Variants in LRRC4C observed in about 807,000 individuals in gnomAD.
LRRC4C encodes leucine rich repeat containing 4C.
In LRRC4C, 5 loss-of-function variants were observed where a neutral mutation model predicts 33.6. That is an observed-to-expected ratio of 0.15 (90% CI 0.08 to 0.31). The LOEUF (loss-of-function observed/expected upper bound fraction) is 0.31, where lower values mean the gene tolerates loss of function less well. Among genes scored for constraint, LRRC4C ranks in the 10% least tolerant of loss-of-function variants. The probability of loss-of-function intolerance (pLI) is 1.00; values close to 1 mark genes in which losing one functional copy is unlikely to be tolerated. For synonymous variants in LRRC4C, 329 were observed against 302.0 expected, an observed-to-expected ratio of 1.09 and a Z score of -0.93; for missense variants, 560 against 796.7, an observed-to-expected ratio of 0.70 and a Z score of 3.58.
intron 1 of LRRC4C, among the ~76,000 whole-genome samples, chr11:41,380,038 A>G (rs1277378714): frequency 6.6e-6 from 1 of 152,104 alleles, no homozygotes; most frequent in Non-Finnish European, 1.5e-5. Context: ...AGAAGATAAG[A>G]TAAGTCCACT....
intron 4 of LRRC4C, among the ~76,000 whole-genome samples, chr11:40,305,289 T>C (rs921745536): frequency 6.6e-6 from 1 of 152,210 alleles, no homozygotes; most frequent in Non-Finnish European, 1.5e-5. Context: ...CTGATGTCTG[T>C]TTTTATGAAT....
At position 40,657,863 on chromosome 11, in the gene LRRC4C, G is replaced by A. The variant is rs557749255; in HGVS notation, c.-406-9585C>T. 4.9e-4 allele frequency among the ~76,000 whole-genome samples: 75 copies of A among 152,224 alleles called. 1 individual carries two copies. The South Asian group carries it at 0.015, about 31-fold the overall frequency. On this transcript the variant is annotated intron_variant, in intron 2 of 6. Coordinates refer to ENST00000528697, the MANE Select transcript of LRRC4C (RefSeq NM_001258419.2). Reference sequence around the variant, plus strand: ...GCCTCAAATCTTTGGGGCTCACAAGGGGAAATAGGGAGCCTTCCACTTAGC... The same window carrying A: ...GCCTCAAATCTTTGGGGCTCACAAGAGGAAATAGGGAGCCTTCCACTTAGC...
chr11:40,804,901 T>C (rs1319000126), intron 2 of LRRC4C, among the ~76,000 whole-genome samples: 1 of 152,196 alleles, frequency 6.6e-6, no homozygotes, highest in East Asian at 1.9e-4. Flanking sequence ...AAAAATTAAC[T>C]CATTGGATGG....
intron 3 of LRRC4C, among the ~76,000 whole-genome samples, chr11:40,501,284 G>A (rs1371578007): frequency 6.6e-6 from 1 of 152,148 alleles, no homozygotes; most frequent in Non-Finnish European, 1.5e-5. Context: ...TGTCGGTGGA[G>A]CTACCATTCT....
intron 2 of LRRC4C, among the ~76,000 whole-genome samples, chr11:40,732,482 T>A (rs1464357312): frequency 6.6e-6 from 1 of 152,164 alleles, no homozygotes. Flanking sequence ...AAGTGTAAAT[T>A]CAAGCAGTTG....
chr11:41,128,699 C>T (rs996880538), intron 1 of LRRC4C, among the ~76,000 whole-genome samples: 2 of 151,974 alleles, frequency 1.3e-5, no homozygotes, highest in Non-Finnish European at 2.9e-5. Flanking sequence ...CTGAATTATT[C>T]TATAATTGTC....
At chr11:40,868,940 C>A (rs1266750673) in intron 2 of LRRC4C, among the ~76,000 whole-genome samples, 1 of 152,112 alleles carries the variant, frequency 6.6e-6, no homozygotes, top group Admixed American at 6.6e-5. Flanking sequence ...AGAGACACGA[C>A]ATTTATTTTG....
At chr11:40,628,580 T>C (rs959227165) in intron 3 of LRRC4C, among the ~76,000 whole-genome samples, 3 of 152,188 alleles carry the variant, frequency 2.0e-5, no homozygotes, top group African/African-American at 7.2e-5. Context: ...TTTTCTAATA[T>C]GCAGTACTCT....
chr11:40,238,587 C>A (rs906394831), intron 5 of LRRC4C, among the ~76,000 whole-genome samples: 1 of 152,106 alleles, frequency 6.6e-6, no homozygotes, highest in Non-Finnish European at 1.5e-5. Context: ...TTATGACCAG[C>A]CAATACTCCA....
At position 40,393,791 on chromosome 11, in the gene LRRC4C, T is replaced by C. The variant is rs551376625; in HGVS notation, c.-269-74070A>G. Among the ~76,000 whole-genome samples, 6 of 152,258 alleles carry C rather than the reference T, an allele frequency of 3.9e-5. No individual in the cohort carries two copies. In the South Asian group the frequency reaches 1.2e-3, roughly 32 times the overall value. ...AATTACATGACATCAGGGCTATGCCTTTTGTCCCCTAAAACAAAGTTTCCA... is the reference window on the plus strand; with the variant it reads ...AATTACATGACATCAGGGCTATGCCCTTTGTCCCCTAAAACAAAGTTTCCA... On this transcript the variant is annotated intron_variant, in intron 3 of 6. Transcript: ENST00000528697.
chr11:41,200,383 C>T (rs1032966544), intron 1 of LRRC4C, among the ~76,000 whole-genome samples: 1 of 152,158 alleles, frequency 6.6e-6, no homozygotes, highest in Non-Finnish European at 1.5e-5. Flanking sequence ...CAAATCCTAG[C>T]AACTTCTGTC....
chr11:40,357,131 A>T (rs901377733), intron 3 of LRRC4C, among the ~76,000 whole-genome samples: 1 of 152,168 alleles, frequency 6.6e-6, no homozygotes, highest in Non-Finnish European at 1.5e-5. Context: ...TTTTAGGTTA[A>T]TACTGACATT....
intron 2 of LRRC4C, among the ~76,000 whole-genome samples, chr11:40,795,020 GCCAAATC>G (rs1297776989): frequency 3.0e-4 from 46 of 152,206 alleles, no homozygotes; most frequent in African/African-American, 1.0e-3. Flanking sequence ...ACTTCTCTAA[GCCAAATC>G]TTCCCATCAC....
chr11:41,001,096 C>T (rs1854343233), intron 1 of LRRC4C, among the ~76,000 whole-genome samples: 1 of 151,866 alleles, frequency 6.6e-6, no homozygotes, highest in South Asian at 2.1e-4. Context: ...ATACCTGGTA[C>T]AAAGGAGGTG....
intron 2 of LRRC4C, among the ~76,000 whole-genome samples, chr11:40,888,176 A>AC: frequency 6.6e-6 from 1 of 151,874 alleles, no homozygotes; most frequent in African/African-American, 2.4e-5. Flanking sequence ...TAAGTACATG[A>AC]GTTCTTGTTC....
intron 4 of LRRC4C, among the ~76,000 whole-genome samples, chr11:40,291,051 T>G (rs1293438129): frequency 6.6e-6 from 1 of 152,118 alleles, no homozygotes; most frequent in Admixed American, 6.5e-5. Context: ...AGTTATAGCT[T>G]CTCTAGGCCT....
intron 5 of LRRC4C, among the ~76,000 whole-genome samples, chr11:40,175,949 T>A (rs1860445562): frequency 6.6e-6 from 1 of 152,160 alleles, no homozygotes; most frequent in Non-Finnish European, 1.5e-5. Context: ...TCTGGAGCTA[T>A]ATAGAGGCTG....
intron 3 of LRRC4C, among the ~76,000 whole-genome samples, chr11:40,524,037 C>G (rs1439534261): frequency 6.6e-6 from 1 of 152,148 alleles, no homozygotes; most frequent in Non-Finnish European, 1.5e-5. Flanking sequence ...TGATCCCAAT[C>G]TAATGTGTCT....
At chr11:40,249,494 A>G (rs1866608005) in intron 4 of LRRC4C, among the ~76,000 whole-genome samples, 1 of 151,624 alleles carries the variant, frequency 6.6e-6, no homozygotes, top group African/African-American at 2.4e-5. Context: ...AAAGGTAATG[A>G]GATCAAAAAT....
Sources: gnomAD v4.1 joint callset for allele counts (sites outside exome capture counted in the v4.1 genomes callset) on GRCh38, gnomAD v4.1.1 for gene constraint, MANE v1.5 for transcripts, NCBI Gene and HGNC (gene_info 2026-07-23, HGNC 2026-07-21) for gene names.